The following LCLAT1 variants were observed in gnomAD, a reference collection of about 807,000 sequenced individuals.
LCLAT1 encodes the protein 1-AGP acyltransferase 8.
Under a neutral mutation model 30.7 loss-of-function variants are expected in LCLAT1, and 11 were observed. The observed-to-expected ratio is 0.36, with a 90% CI of 0.23 to 0.59. The LOEUF (loss-of-function observed/expected upper bound fraction) is 0.59. Among genes scored for constraint, LCLAT1 ranks in the 20% least tolerant of loss-of-function variants. LCLAT1 has a pLI of 0.77. For synonymous variants in LCLAT1, 155 were observed against 151.3 expected (o/e 1.02, Z -0.18); for missense variants, 402 against 458.6 (o/e 0.88, Z 1.13).
chr2:30,628,580 G>A (rs977727521), intron 5 of LCLAT1, among the ~76,000 whole-genome samples: 46 of 152,130 alleles, frequency 3.0e-4, no homozygotes, highest in African/African-American at 1.1e-3. Flanking sequence ...TCACAGATCA[G>A]TGGAGCAGAA....
intron 1 of LCLAT1, among the ~76,000 whole-genome samples, chr2:30,520,321 A>G (rs1685416669): frequency 6.6e-6 from 1 of 152,248 alleles, no homozygotes; most frequent in South Asian, 2.1e-4. Context: ...TCTAAAATTC[A>G]GAATAAGTTT....
intron 3 of LCLAT1, among the ~76,000 whole-genome samples, chr2:30,534,687 C>T (rs1255784939): frequency 6.6e-6 from 1 of 152,174 alleles, no homozygotes; most frequent in Non-Finnish European, 1.5e-5. Flanking sequence ...CCTTAGAGAA[C>T]ACTTTCACTT....
At chr2:30,582,908 G>C (rs1235684176) in intron 5 of LCLAT1, among the ~76,000 whole-genome samples, 2 of 152,206 alleles carry the variant, frequency 1.3e-5, no homozygotes, top group African/African-American at 4.8e-5. Context: ...CTAATAGCTT[G>C]TAACATTTAC....
At position 30,602,177 on chromosome 2, in the gene LCLAT1, TG is replaced by T. The variant is rs1667223849; in HGVS notation, c.628+34005del. Among the ~76,000 whole-genome samples, 3 of 152,108 alleles carry T rather than the reference TG, an allele frequency of 2.0e-5. 1 individual carries two copies. The South Asian group carries it at 6.2e-4, about 31-fold the overall frequency. On this transcript the variant is annotated intron_variant, in intron 5 of 5. Coordinates refer to ENST00000379509, the MANE Select transcript of LCLAT1 (RefSeq NM_001002257.3). ...CTGTAGGGCTTTCATTGGCAAATAA[TG>T]GGGTGATAAGTGTGTTTGAGAAAGA...
At chr2:30,447,493 G>C (rs1392556747) in intron 1 of LCLAT1, 110 bp downstream of exon 1, 1 of 152,284 alleles carries the variant, frequency 6.6e-6, no homozygotes, top group Non-Finnish European at 1.5e-5. Context: ...TTCCTCCTGA[G>C]CCATGGACCT....
intron 3 of LCLAT1, among the ~76,000 whole-genome samples, chr2:30,550,022 A>G (rs1055183177): frequency 3.3e-5 from 5 of 152,190 alleles, no homozygotes; most frequent in African/African-American, 7.2e-5. Context: ...ATAATCTTCA[A>G]TTATTACAAC....
At chr2:30,628,648 T>A (rs1668623786) in intron 5 of LCLAT1, among the ~76,000 whole-genome samples, 1 of 152,130 alleles carries the variant, frequency 6.6e-6, no homozygotes, top group Admixed American at 6.5e-5. Flanking sequence ...ACCAAGTTGG[T>A]ATTTTAATAC....
chr2:30,450,906 CT>C (rs147563114), intron 1 of LCLAT1, among the ~76,000 whole-genome samples: 14,423 of 152,152 alleles, frequency 0.095, 717 homozygotes, highest in East Asian at 0.12. Flanking sequence ...GAAGACACCA[CT>C]AAGAAAATGA....
intron 3 of LCLAT1, among the ~76,000 whole-genome samples, chr2:30,541,822 T>C (rs141889739): frequency 1.6e-5 from 2 of 124,214 alleles, no homozygotes; most frequent in African/African-American, 5.3e-5. Flanking sequence ...TTTCCCCTTT[T>C]ACATTTTTAC....
At chr2:30,608,827 T>C (rs941022689) in intron 5 of LCLAT1, among the ~76,000 whole-genome samples, 8 of 152,160 alleles carry the variant, frequency 5.3e-5, no homozygotes, top group African/African-American at 1.7e-4. Flanking sequence ...CATAGTTGTA[T>C]GTCCAAGAGT....
chr2:30,539,910 A>G (rs1457850051), intron 3 of LCLAT1, among the ~76,000 whole-genome samples: 1 of 152,224 alleles, frequency 6.6e-6, no homozygotes, highest in African/African-American at 2.4e-5. Flanking sequence ...CTTGTTCCAC[A>G]TAGATACTAT....
intron 5 of LCLAT1, among the ~76,000 whole-genome samples, chr2:30,599,216 A>T (rs980338418): frequency 2.6e-5 from 4 of 152,112 alleles, no homozygotes; most frequent in Admixed American, 2.0e-4. Context: ...TCCTGACCTC[A>T]AGTGATCCGC....
chr2:30,579,393 C>A (rs1468827047), intron 5 of LCLAT1, among the ~76,000 whole-genome samples: 1 of 152,052 alleles, frequency 6.6e-6, no homozygotes, highest in African/African-American at 2.4e-5. Flanking sequence ...TTCTGTAAGT[C>A]CTATGTGTTG....
intron 1 of LCLAT1, among the ~76,000 whole-genome samples, chr2:30,501,552 G>A (rs1684391048): frequency 6.6e-6 from 1 of 152,094 alleles, no homozygotes; most frequent in Non-Finnish European, 1.5e-5. Context: ...CCCCACGCCT[G>A]TGGTCCCAGC....
intron 5 of LCLAT1, among the ~76,000 whole-genome samples, chr2:30,616,162 G>A (rs1168633256): frequency 6.6e-6 from 1 of 152,178 alleles, no homozygotes; most frequent in East Asian, 1.9e-4. Flanking sequence ...GAATTGCAAT[G>A]GTAAGTGAAC....
At chr2:30,525,358 G>C (rs941056290) in intron 1 of LCLAT1, among the ~76,000 whole-genome samples, 4 of 152,126 alleles carry the variant, frequency 2.6e-5, no homozygotes, top group African/African-American at 9.7e-5. Flanking sequence ...ATTGCAGCGT[G>C]AGTCGCCGCA....
intron 5 of LCLAT1, among the ~76,000 whole-genome samples, chr2:30,614,285 G>A (rs576503430): frequency 1.5e-5 from 2 of 134,386 alleles, no homozygotes; most frequent in African/African-American, 2.8e-5. Context: ...CACAGCACAC[G>A]TTTCAGAGAG....
At chr2:30,494,673 CTTTT>C (rs577787239) in intron 1 of LCLAT1, among the ~76,000 whole-genome samples, 3 of 143,934 alleles carry the variant, frequency 2.1e-5, no homozygotes, top group African/African-American at 7.6e-5. Context: ...CATTCTTTTA[CTTTT>C]TTTTTTTTTA....
chr2:30,552,572 C>T (rs1664729140), intron 3 of LCLAT1: 2 of 446,240 alleles, frequency 4.5e-6, no homozygotes, highest in South Asian at 1.6e-5. Context: ...AATTACCTGT[C>T]ATCAGAGTTT....
Sources: allele counts gnomAD v4.1 joint callset (sites outside exome capture counted in the v4.1 genomes callset), GRCh38; gene constraint gnomAD v4.1.1; transcripts MANE v1.5; gene names NCBI Gene and HGNC (gene_info 2026-07-23, HGNC 2026-07-21).